The following USP22 variants were observed in gnomAD, a reference collection of about 807,000 sequenced individuals.
USP22 encodes ubiquitin specific peptidase 22.
In USP22, 22 loss-of-function variants were observed where a neutral mutation model predicts 68.1. That is an observed-to-expected ratio of 0.32 (90% CI 0.23 to 0.46). The LOEUF is 0.46. USP22 is among the 20% of genes least tolerant of loss of function. The pLI, the probability that USP22 is intolerant of heterozygous loss-of-function variation, is 1.00. For synonymous variants in USP22, 279 were observed against 274.2 expected (o/e 1.02, Z -0.17); for missense variants, 433 against 695.8 (o/e 0.62, Z 4.25).
At chr17:21,030,396 A>G (rs866083707) in intron 1 of USP22, among the ~76,000 whole-genome samples, 16 of 152,036 alleles carry the variant, frequency 1.1e-4, no homozygotes, top group African/African-American at 3.4e-4. Context: ...GTATGTATGT[A>G]TGTATGTATG....
rs1914009087 is a variant in USP22, at chr17:21,012,727, C to A, written c.944+103G>T. 28 of 1,056,420 alleles carry A rather than the reference C, an allele frequency of 2.7e-5. 1 individual carries two copies. In the South Asian group the frequency reaches 3.7e-4, roughly 14 times the overall value. The allele number at this position is 1,056,420 out of a possible 1,614,324, so 65.4% of individuals were successfully genotyped here. ...GTCTATTAATCATTTATCTCATAGC[C>A]TCCTTAAAGACCTCTCAGAGCACAC... is the stretch of plus-strand genomic sequence containing the variant. On this transcript the variant is annotated intron_variant, in intron 7 of 12. Coordinates refer to ENST00000261497, the MANE Select transcript of USP22 (RefSeq NM_015276.2).
At chr17:21,023,898 T>C (rs1411367039) in intron 2 of USP22, among the ~76,000 whole-genome samples, 1 of 152,206 alleles carries the variant, frequency 6.6e-6, no homozygotes, top group Non-Finnish European at 1.5e-5. Context: ...TAGGTTAGTA[T>C]ATAACTTAAG....
intron 2 of USP22, among the ~76,000 whole-genome samples, chr17:21,023,964 G>T (rs4985964): frequency 0.75 from 113,526 of 152,124 alleles, 42,835 homozygotes; most frequent in South Asian, 0.82. Flanking sequence ...TTCTATTTCA[G>T]GTCTTAAGCT....
rs1972448925 is a variant in USP22, at chr17:21,042,411, A to ACAGAGAGGAGGGGGAGGGG, written c.171+253_171+254insCCCCTCCCCCTCCTCTCTG. On this transcript the variant is annotated intron_variant, in intron 1 of 12. Coordinates refer to ENST00000261497, the MANE Select transcript of USP22 (RefSeq NM_015276.2). ...GAGGGGACAGAGAGGAGGGGGAGGG[A>ACAGAGAGGAGGGGGAGGGG]AAGGAAGAATGGGGGAAGGGGGGAG... 3.3e-5 allele frequency: 6 copies of ACAGAGAGGAGGGGGAGGGG among 182,390 alleles called. No individual in the cohort carries two copies. The African/African-American group carries it at 3.4e-4, about 10-fold the overall frequency. The allele number at this position is 182,390 out of a possible 1,614,324, so 11.3% of individuals were successfully genotyped here.
intron 1 of USP22, among the ~76,000 whole-genome samples, chr17:21,029,661 G>A (rs1418475031): frequency 6.6e-6 from 1 of 152,186 alleles, no homozygotes; most frequent in Non-Finnish European, 1.5e-5. Flanking sequence ...ATGAGTGGAT[G>A]AACAAACTGT....
Position 21,021,311 on chromosome 17 carries a change from G to C in USP22, c.305-85C>G, listed in dbSNP as rs1041977453. Reference sequence around the variant, plus strand: ...GGAGGGCAGAGTTAAACACAGTGAGGTTCTGTAGATACTGACTGTTCACAG... The same window carrying C: ...GGAGGGCAGAGTTAAACACAGTGAGCTTCTGTAGATACTGACTGTTCACAG... On this transcript the variant is annotated intron_variant, in intron 2 of 12. Coordinates refer to ENST00000261497, the MANE Select transcript of USP22 (RefSeq NM_015276.2). 4.7e-6 allele frequency: 4 copies of C among 855,368 alleles called. No individual in the cohort carries two copies. In the African/African-American group the frequency reaches 6.6e-5, roughly 14 times the overall value. 53.0% of individuals were successfully genotyped at this position (855,368 alleles called of 1,614,324 possible).
intron 1 of USP22, among the ~76,000 whole-genome samples, chr17:21,036,931 G>C (rs548310052): frequency 6.6e-6 from 1 of 152,284 alleles, no homozygotes; most frequent in Admixed American, 6.5e-5. Flanking sequence ...AGAAACTAGG[G>C]ATCCTTGGAA....
Position 21,007,866 on chromosome 17 carries a change from T to C in USP22, c.1230+4A>G, listed in dbSNP as rs377412466. 3.3e-5 allele frequency: 54 copies of C among 1,614,032 alleles called. No individual in the cohort carries two copies. The highest frequency in any genetic ancestry group is 4.2e-5 in the Non-Finnish European group (50 of 1,180,018). On this transcript the variant is annotated splice_donor_region_variant and intron_variant, in intron 9 of 12. Transcript: ENST00000261497. ...CATTAGAGTTGGCTTTCTGGAAAAC[T>C]TACTTTGAGATGAAAACAGGCTACG...
At position 21,000,779 on chromosome 17, in the gene USP22, T is replaced by C. The variant is rs1337708460; in HGVS notation, c.*2252A>G. ...TTGTTCCTAATTAAAAGACCACTCATAGGCCAGGTGCGGTGGCTCACGCCT... is the reference window on the plus strand; with the variant it reads ...TTGTTCCTAATTAAAAGACCACTCACAGGCCAGGTGCGGTGGCTCACGCCT... On this transcript the variant is annotated 3_prime_UTR_variant, in exon 13 of 13. Coordinates refer to ENST00000261497, the MANE Select transcript of USP22 (RefSeq NM_015276.2). 1 of 152,262 alleles carries C rather than the reference T, an allele frequency of 6.6e-6. No homozygotes were observed. The highest frequency in any genetic ancestry group is 2.4e-5 in the African/African-American group (1 of 41,454). The allele number at this position is 152,262 out of a possible 1,614,324, so 9.4% of individuals were successfully genotyped here.
At chr17:21,038,219 A>C (rs1972380950) in intron 1 of USP22, among the ~76,000 whole-genome samples, 1 of 152,262 alleles carries the variant, frequency 6.6e-6, no homozygotes, top group South Asian at 2.1e-4. Flanking sequence ...ACATAGGGAG[A>C]CTCAGTCTTT....
At chr17:21,042,531 A>C in intron 1 of USP22, 134 bp downstream of exon 1, 1 of 838,086 alleles carries the variant, frequency 1.2e-6, no homozygotes, top group Middle Eastern at 3.9e-4. Context: ...AGAGGGCAGA[A>C]GGAGAGAGGA....
At chr17:21,005,758 C>CA (rs1913757894) in intron 10 of USP22, among the ~76,000 whole-genome samples, 1 of 152,144 alleles carries the variant, frequency 6.6e-6, no homozygotes, top group Non-Finnish European at 1.5e-5. Context: ...CTGTGGCCAC[C>CA]AAAAAATAAC....
At chr17:21,003,158 T>TGCTCTGC in intron 12 of USP22, 85 bp from the exon 13 acceptor site, 1 of 1,524,736 alleles carries the variant, frequency 6.6e-7, no homozygotes, top group South Asian at 1.1e-5. Flanking sequence ...AAAGCCTACG[T>TGCTCTGC]GCTCTGCGCT....
At chr17:21,003,856 T>C (rs1254282716) in intron 12 of USP22, among the ~76,000 whole-genome samples, 1 of 145,620 alleles carries the variant, frequency 6.9e-6, no homozygotes, top group African/African-American at 2.6e-5. Context: ...GCTGAGATCA[T>C]GCCATTGCAC....
At chr17:21,019,737 C>A (rs1281393884) in intron 3 of USP22, among the ~76,000 whole-genome samples, 1 of 152,248 alleles carries the variant, frequency 6.6e-6, no homozygotes, top group African/African-American at 2.4e-5. Context: ...CTCAGAAGTA[C>A]TTGTTCCATG....
At chr17:21,030,393 T>C (rs904731912) in intron 1 of USP22, among the ~76,000 whole-genome samples, 9 of 152,026 alleles carry the variant, frequency 5.9e-5, no homozygotes, top group Admixed American at 3.3e-4. Context: ...TGTGTATGTA[T>C]GTATGTATGT....
Position 20,999,730 on chromosome 17 carries a change from GCA to G in USP22, c.*3299_*3300del, listed in dbSNP as rs1406916145. 1 of 152,196 alleles carries G rather than the reference GCA, an allele frequency of 6.6e-6. No homozygotes were observed. The highest frequency in any genetic ancestry group is 2.4e-5 in the African/African-American group (1 of 41,442). 9.4% of individuals were successfully genotyped at this position (152,196 alleles called of 1,614,324 possible). A position where few individuals can be genotyped will look rare whatever the true frequency, so the allele number is the denominator to read the frequency against. ...TTGGTAAATAAAGTCTCCAACCACA[GCA>G]CAGTCATTGGAATTTTTTTCTTCAT... On this transcript the variant is annotated 3_prime_UTR_variant, in exon 13 of 13. Coordinates refer to ENST00000261497, the MANE Select transcript of USP22 (RefSeq NM_015276.2).
At chr17:21,021,995 G>A (rs1428923734) in intron 2 of USP22, among the ~76,000 whole-genome samples, 2 of 152,096 alleles carry the variant, frequency 1.3e-5, no homozygotes, top group African/African-American at 4.8e-5. Flanking sequence ...AGCTATTCGG[G>A]GAGCTGAGGC....
At chr17:21,024,229 A>G (rs937116872) in intron 2 of USP22, among the ~76,000 whole-genome samples, 1 of 152,202 alleles carries the variant, frequency 6.6e-6, no homozygotes, top group African/African-American at 2.4e-5. Flanking sequence ...CAAGTTTACA[A>G]TAAGGGTGAT....
Sources: allele counts gnomAD v4.1 joint callset (sites outside exome capture counted in the v4.1 genomes callset), GRCh38; gene constraint gnomAD v4.1.1; transcripts MANE v1.5; gene names NCBI Gene and HGNC (gene_info 2026-07-23, HGNC 2026-07-21).